Variants in FGF1 observed in about 807,000 individuals in gnomAD.
FGF1 encodes the protein fibroblast growth factor 1, also known as beta-endothelial cell growth factor.
In FGF1, 9 loss-of-function variants were observed where a neutral mutation model predicts 13.4. That is an observed-to-expected ratio of 0.67 (90% CI 0.40 to 1.17). The LOEUF (loss-of-function observed/expected upper bound fraction) is 1.17, where lower values mean the gene tolerates loss of function less well. FGF1 is among the 50% of genes most tolerant of loss of function. The pLI is 0.01. For synonymous variants in FGF1, 93 were observed against 79.0 expected (o/e 1.18, Z -0.94); for missense variants, 156 against 192.7 (o/e 0.81, Z 1.13).
At chr5:142,678,696 C>T (rs1034524650) in intron 1 of FGF1, among the ~76,000 whole-genome samples, 1 of 152,214 alleles carries the variant, frequency 6.6e-6, no homozygotes, top group African/African-American at 2.4e-5. Flanking sequence ...CCTGCAACTT[C>T]AGGCAAAGTA....
chr5:142,614,573 C>G (rs1325350583), intron 1 of FGF1, among the ~76,000 whole-genome samples: 1 of 152,178 alleles, frequency 6.6e-6, no homozygotes, highest in Non-Finnish European at 1.5e-5. Flanking sequence ...AGGCCAGGAC[C>G]AAGGTTCTGC....
intron 1 of FGF1, among the ~76,000 whole-genome samples, chr5:142,618,844 C>T (rs963295541): frequency 1.3e-5 from 2 of 151,870 alleles, no homozygotes; most frequent in East Asian, 3.9e-4. Flanking sequence ...CCAGCTTGGC[C>T]CTGGAAACTA....
intron 1 of FGF1, among the ~76,000 whole-genome samples, chr5:142,625,290 A>C (rs574384088): frequency 6.8e-6 from 1 of 146,668 alleles, no homozygotes; most frequent in South Asian, 2.2e-4. Context: ...ACACTTCATA[A>C]CGAAGAGAGA....
intron 1 of FGF1, among the ~76,000 whole-genome samples, chr5:142,661,589 T>G (rs1242726110): frequency 3.3e-5 from 5 of 151,990 alleles, no homozygotes; most frequent in Admixed American, 2.0e-4. Context: ...AAATGATGAG[T>G]GGATAAGCAA....
At chr5:142,630,789 C>T (rs900120301) in intron 1 of FGF1, among the ~76,000 whole-genome samples, 7 of 152,338 alleles carry the variant, frequency 4.6e-5, no homozygotes, top group African/African-American at 1.4e-4. Context: ...GTACCACCAC[C>T]TCAGAGGTCT....
intron 1 of FGF1, among the ~76,000 whole-genome samples, chr5:142,665,342 C>A (rs927567815): frequency 5.9e-5 from 9 of 152,046 alleles, no homozygotes; most frequent in Middle Eastern, 6.8e-3. Flanking sequence ...CTTTCCATCT[C>A]CCCCTGTCCC....
chr5:142,649,651 C>T (rs1319450946), intron 1 of FGF1, among the ~76,000 whole-genome samples: 1 of 152,112 alleles, frequency 6.6e-6, no homozygotes, highest in Non-Finnish European at 1.5e-5. Context: ...TCATGATCCG[C>T]CCACCTCAGC....
In FGF1 at chr5:142,682,154, C is replaced by T. The variant is rs531890766; in HGVS notation, c.-35+3803G>A. 2.6e-5 allele frequency among the ~76,000 whole-genome samples: 4 copies of T among 151,510 alleles called. No individual in the cohort carries two copies. The East Asian group carries it at 5.9e-4, about 22-fold the overall frequency. On this transcript the variant is annotated intron_variant, in intron 1 of 3. Coordinates refer to ENST00000337706, the MANE Select transcript of FGF1 (RefSeq NM_000800.5). The stretch of plus-strand genomic sequence containing the variant: ...AGGCTGGAGCGCAATGGCGCGATCT[C>T]GGCTCGCTGCAAACTCTGCCTCCCA...
chr5:142,646,597 C>T (rs6875840), intron 1 of FGF1, among the ~76,000 whole-genome samples: 3,457 of 151,106 alleles, frequency 0.023, 137 homozygotes, highest in African/African-American at 0.079. Context: ...ATGCTCTGCC[C>T]GCCTTGGCCT....
At chr5:142,648,468 G>A (rs1766591013) in intron 1 of FGF1, among the ~76,000 whole-genome samples, 1 of 151,378 alleles carries the variant, frequency 6.6e-6, no homozygotes, top group Non-Finnish European at 1.5e-5. Context: ...GAGAACACAT[G>A]GACACAGGGA....
At chr5:142,614,904 C>G (rs1401789261) in intron 1 of FGF1, among the ~76,000 whole-genome samples, 3 of 152,142 alleles carry the variant, frequency 2.0e-5, no homozygotes, top group Non-Finnish European at 2.9e-5. Flanking sequence ...TCATGTGGCA[C>G]AGAGAAGGTG....
intron 1 of FGF1, chr5:142,626,652 C>G (rs1762507998): frequency 6.6e-6 from 1 of 152,214 alleles, no homozygotes; most frequent in Non-Finnish European, 1.5e-5. Context: ...TTGCAAGTTC[C>G]TCCCCTGATG....
At position 142,614,213 on chromosome 5, in the gene FGF1, A is replaced by G. The variant is rs980464720; in HGVS notation, c.-34-52T>C. The G allele has an allele frequency of 1.7e-5, 24 of 1,451,722 alleles. No individual in the cohort carries two copies. In the African/African-American group the frequency reaches 3.2e-4, roughly 19 times the overall value. 89.9% of individuals were successfully genotyped at this position (1,451,722 alleles called of 1,614,324 possible). A position where few individuals can be genotyped will look rare whatever the true frequency, so the allele number is the denominator to read the frequency against. On this transcript the variant is annotated intron_variant, in intron 1 of 3. Coordinates refer to ENST00000337706, the MANE Select transcript of FGF1 (RefSeq NM_000800.5). ...TCGGTTCTTCCAGCAAAGGCACAAA[A>G]TGCACTTTGAAGAGAGGAAGGACAG...
At chr5:142,608,539 C>CATATATAT (rs1471839839) in intron 2 of FGF1, among the ~76,000 whole-genome samples, 1 of 72,070 alleles carries the variant, frequency 1.4e-5, no homozygotes, top group South Asian at 5.3e-4. Context: ...TATATATACA[C>CATATATAT]ATCTATATAT....
Position 142,595,422 on chromosome 5 carries a change from ATAGGTGT to A in FGF1, c.329_335del (p.Asn110IlefsTer52). 1 of 1,613,966 alleles carries A rather than the reference ATAGGTGT, an allele frequency of 6.2e-7. No individual in the cohort carries two copies. Among genetic ancestry groups the A allele is most frequent in the Non-Finnish European group, 8.5e-7 (1 of 1,179,900 alleles). On this transcript the variant is annotated frameshift_variant, in exon 4 of 4. Coordinates refer to ENST00000337706, the MANE Select transcript of FGF1 (RefSeq NM_000800.5). LOFTEE classifies it high-confidence loss of function. ...TCTTCTCTGCATGCTTCTTGGATAT[ATAGGTGT>A]TGTAATGGTTCTCCTCCAGCCTTTC...
At chr5:142,664,929 T>G (rs1770012586) in intron 1 of FGF1, among the ~76,000 whole-genome samples, 1 of 152,218 alleles carries the variant, frequency 6.6e-6, no homozygotes, top group Admixed American at 6.5e-5. Context: ...GAGGATAAAA[T>G]GAGGTAAAGT....
chr5:142,649,847 TTAAG>T (rs377624221), intron 1 of FGF1, among the ~76,000 whole-genome samples: 7 of 152,238 alleles, frequency 4.6e-5, no homozygotes, highest in African/African-American at 1.7e-4. Flanking sequence ...AACAGTTCTC[TTAAG>T]TAAGAAAAAA....
intron 1 of FGF1, among the ~76,000 whole-genome samples, chr5:142,660,707 GACAC>G (rs1182647306): frequency 4.6e-5 from 7 of 152,162 alleles, no homozygotes; most frequent in Non-Finnish European, 8.8e-5. Flanking sequence ...TAATGCCAAA[GACAC>G]ACACTCCATA....
rs547951097 is a variant in FGF1 at position 142,662,215 on chromosome 5, T to C, written c.-35+23742A>G. Reference sequence around the variant, plus strand: ...CAGTAGTTGCATGACACTGTGAATATACGAAAAGCCATTGAACTATACACT... The same window carrying C: ...CAGTAGTTGCATGACACTGTGAATACACGAAAAGCCATTGAACTATACACT... On this transcript the variant is annotated intron_variant, in intron 1 of 3. Coordinates refer to ENST00000337706, the MANE Select transcript of FGF1 (RefSeq NM_000800.5). 2.5e-4 allele frequency among the ~76,000 whole-genome samples: 38 copies of C among 152,182 alleles called. 1 individual carries two copies. The highest frequency in any genetic ancestry group is 9.2e-4 in the African/African-American group (38 of 41,472).
Sources: gnomAD v4.1 joint callset for allele counts (sites outside exome capture counted in the v4.1 genomes callset) on GRCh38, gnomAD v4.1.1 for gene constraint, MANE v1.5 for transcripts, NCBI Gene and HGNC (gene_info 2026-07-23, HGNC 2026-07-21) for gene names.